Variants in SCARA5 observed in about 807,000 individuals in gnomAD.
SCARA5 encodes the protein scavenger receptor class A member 5.
Under a neutral mutation model 46.3 loss-of-function variants are expected in SCARA5, and 45 were observed. The ratio of observed to expected loss-of-function variants is 0.97; its 90% CI spans 0.76 to 1.24. The LOEUF (loss-of-function observed/expected upper bound fraction) is 1.24. Among genes scored for constraint, SCARA5 ranks in the 50% most tolerant of loss-of-function variants. The pLI is 0.00. For missense variants in SCARA5, 680 were observed against 689.0 expected (o/e 0.99, Z 0.15); for synonymous variants, 333 against 306.5 (o/e 1.09, Z -0.90).
intron 3 of SCARA5, among the ~76,000 whole-genome samples, chr8:27,961,224 T>C (rs1808289249): frequency 6.6e-6 from 1 of 151,942 alleles, no homozygotes; most frequent in Admixed American, 6.6e-5. Context: ...TAGTGGGAGG[T>C]CTTTGGACCA....
intron 4 of SCARA5, among the ~76,000 whole-genome samples, chr8:27,918,822 A>G (rs1416772777): frequency 2.7e-5 from 4 of 149,730 alleles, no homozygotes; most frequent in African/African-American, 9.8e-5. Context: ...AAGGAAAAGG[A>G]TAAGGAAGAA....
At position 27,871,911 on chromosome 8, in the gene SCARA5, C is replaced by T. The variant is rs967573927; in HGVS notation, c.*23G>A. On this transcript the variant is annotated 3_prime_UTR_variant, in exon 9 of 9. Coordinates refer to ENST00000354914, the MANE Select transcript of SCARA5 (RefSeq NM_173833.6). ...CAGGAAGGGTGCTCTGTGCAGGACC[C>T]CGAACTTGGGCTCTGCCCACTTTCA... 2 of 1,613,480 alleles carry T rather than the reference C, an allele frequency of 1.2e-6. No individual in the cohort carries two copies. Among genetic ancestry groups the T allele is most frequent in the African/African-American group, 1.3e-5 (1 of 74,936 alleles).
At position 27,871,832 on chromosome 8, in the gene SCARA5, G is replaced by A. The variant is rs188120234; in HGVS notation, c.*102C>T. 10,232 of 1,579,566 alleles carry A rather than the reference G, an allele frequency of 6.5e-3. 38 individuals are homozygous for A. Among genetic ancestry groups the A allele is most frequent in the Non-Finnish European group, 7.6e-3 (8,868 of 1,163,050 alleles). On this transcript the variant is annotated 3_prime_UTR_variant, in exon 9 of 9. Coordinates refer to ENST00000354914, the MANE Select transcript of SCARA5 (RefSeq NM_173833.6). ...GTGAGGACTGAGAATGCTGGACGGG[G>A]TGTGGTCGAGGCATGGTCAGGGTGG...
intron 2 of SCARA5, among the ~76,000 whole-genome samples, chr8:27,984,488 CTATT>C (rs1318557632): frequency 1.3e-5 from 2 of 152,220 alleles, no homozygotes; most frequent in African/African-American, 2.4e-5. Flanking sequence ...ATTCATTCAT[CTATT>C]TATTTATTCA....
At chr8:27,984,327 A>T (rs890037087) in intron 2 of SCARA5, among the ~76,000 whole-genome samples, 13 of 152,234 alleles carry the variant, frequency 8.5e-5, no homozygotes, top group African/African-American at 3.1e-4. Flanking sequence ...CTTCATCTCA[A>T]CACTCTACTC....
intron 8 of SCARA5, 61 bp downstream of exon 8, chr8:27,879,508 G>C: frequency 6.6e-7 from 1 of 1,509,872 alleles, no homozygotes; most frequent in South Asian, 1.1e-5. Context: ...CTTTGGAGGT[G>C]AGCCCAGTCC....
chr8:27,965,497 G>C (rs746881311), intron 3 of SCARA5, among the ~76,000 whole-genome samples: 1 of 151,240 alleles, frequency 6.6e-6, no homozygotes, highest in Non-Finnish European at 1.5e-5. Context: ...AGTGCCCGCT[G>C]CATTCTGCCT....
At chr8:27,891,351 G>T (rs1020029597) in intron 7 of SCARA5, among the ~76,000 whole-genome samples, 4 of 152,030 alleles carry the variant, frequency 2.6e-5, no homozygotes, top group African/African-American at 9.7e-5. Context: ...GACTATGGGT[G>T]TGCACCACCA....
At chr8:27,902,872 G>T (rs1807180277) in intron 7 of SCARA5, among the ~76,000 whole-genome samples, 1 of 152,158 alleles carries the variant, frequency 6.6e-6, no homozygotes, top group Non-Finnish European at 1.5e-5. Context: ...GAGAATGCTA[G>T]AAGTACTGTG....
At position 27,911,632 on chromosome 8, in the gene SCARA5, C is replaced by T. The variant is rs186880572; in HGVS notation, c.917-1889G>A. 7.6e-4 allele frequency among the ~76,000 whole-genome samples: 115 copies of T among 152,018 alleles called. 2 individuals carry two copies. The highest frequency in any genetic ancestry group is 2.5e-3 in the African/African-American group (102 of 41,438). ...CCTGAATCCGGGAGGCAGAGGCTGC[C>T]GTGAGCCGAGATTGCGCCATTACAC... On this transcript the variant is annotated intron_variant, in intron 4 of 8. Coordinates refer to ENST00000354914, the MANE Select transcript of SCARA5 (RefSeq NM_173833.6).
chr8:27,924,096 G>A (rs1194866897), intron 3 of SCARA5, among the ~76,000 whole-genome samples: 3 of 152,170 alleles, frequency 2.0e-5, no homozygotes, highest in South Asian at 2.1e-4. Context: ...CCTGAGTGGG[G>A]ATGTCTAGGG....
At chr8:27,875,194 CCTTCACTCCTCCCTCCCTCCCTCT>C (rs148660995) in intron 8 of SCARA5, among the ~76,000 whole-genome samples, 35,840 of 150,092 alleles carry the variant, frequency 0.24, 4,797 homozygotes, top group Middle Eastern at 0.39. Context: ...TCCCTCCCTC[CCTTCACTCCTCCCTCCCTCCCTCT>C]CTTCACTCCT....
At chr8:27,970,146 A>T (rs2129947815) in intron 2 of SCARA5, among the ~76,000 whole-genome samples, 1 of 152,182 alleles carries the variant, frequency 6.6e-6, no homozygotes, top group Admixed American at 6.5e-5. Context: ...CTGCCATGTC[A>T]TGAGCGCCCA....
chr8:27,960,980 G>T (rs1808285574), intron 3 of SCARA5, among the ~76,000 whole-genome samples: 1 of 152,182 alleles, frequency 6.6e-6, no homozygotes, highest in South Asian at 2.1e-4. Flanking sequence ...CTTTACAAAT[G>T]GGTGAACTCC....
chr8:27,935,897 C>T (rs1160625738), intron 3 of SCARA5, among the ~76,000 whole-genome samples: 1 of 152,106 alleles, frequency 6.6e-6, no homozygotes, highest in Non-Finnish European at 1.5e-5. Context: ...TCATTAGTAC[C>T]CAGGGAGGAG....
chr8:27,892,985 G>A (rs902156083), intron 7 of SCARA5, among the ~76,000 whole-genome samples: 3 of 152,146 alleles, frequency 2.0e-5, no homozygotes, highest in Non-Finnish European at 4.4e-5. Flanking sequence ...CCTAACGTGA[G>A]GTCTCATCAT....
At position 27,874,859 on chromosome 8, in the gene SCARA5, G is replaced by A. The variant is rs574772914; in HGVS notation, c.1352-2789C>T. On this transcript the variant is annotated intron_variant, in intron 8 of 8. Transcript: ENST00000354914. ...TGCGCTAGGTCACACTCCCTTCCGT[G>A]GCCTACCAAGCCTCCCTCCAGTCAT... Among the ~76,000 whole-genome samples the A allele has an allele frequency of 2.6e-3, 396 of 152,150 alleles. 1 individual carries two copies. The highest frequency in any genetic ancestry group is 4.3e-3 in the Non-Finnish European group (294 of 68,000).
intron 7 of SCARA5, among the ~76,000 whole-genome samples, chr8:27,896,952 T>C (rs2726970): frequency 0.96 from 146,010 of 152,062 alleles, 70,394 homozygotes; most frequent in East Asian, 1. Flanking sequence ...ATTAGCTGGG[T>C]GTGGTGGTGT....
rs369092276 is a variant in SCARA5 at position 27,922,097 on chromosome 8, G to A, written c.390C>T (p.Asp130=). The A allele has an allele frequency of 6.3e-5, 101 of 1,603,658 alleles. No individual in the cohort carries two copies. Among genetic ancestry groups the A allele is most frequent in the African/African-American group, 5.7e-4 (43 of 74,838 alleles). ...DLTEQVWKVQ[D]ALQNQSDSLL... ...ACGAGTCTGACTGGTTCTGCAGCGCGTCCTGCACCTTCCACACCTGCTCCG... is the reference window on the plus strand; with the variant it reads ...ACGAGTCTGACTGGTTCTGCAGCGCATCCTGCACCTTCCACACCTGCTCCG... Residue 130 remains aspartate, a synonymous_variant, in exon 4 of 9, where the codon GAC becomes GAT. Coordinates refer to ENST00000354914, the MANE Select transcript of SCARA5 (RefSeq NM_173833.6).
Sources: allele counts gnomAD v4.1 joint callset (sites outside exome capture counted in the v4.1 genomes callset), GRCh38; gene constraint gnomAD v4.1.1; transcripts MANE v1.5; gene names NCBI Gene and HGNC (gene_info 2026-07-23, HGNC 2026-07-21).